The following COL10A1 variants were observed in gnomAD, a reference collection of about 807,000 sequenced individuals.
The protein encoded by COL10A1 is collagen alpha-1(X) chain.
COL10A1 carries 10 observed loss-of-function variants against 18.2 expected under a neutral mutation model. The ratio of observed to expected loss-of-function variants is 0.55; its 90% confidence interval spans 0.34 to 0.93. The LOEUF is 0.93. Ranked by LOEUF, COL10A1 falls within the 40% of genes least tolerant of loss-of-function variation. The pLI is 0.02. For missense variants in COL10A1, 897 were observed against 853.5 expected (o/e 1.05, Z -0.64); for synonymous variants, 330 against 316.6 (o/e 1.04, Z -0.45).
chr6:116,133,144 C>T (rs1054386191), intron 1 of COL10A1, among the ~76,000 whole-genome samples: 4 of 152,136 alleles, frequency 2.6e-5, no homozygotes, highest in African/African-American at 4.8e-5. Flanking sequence ...TAGTTTCGTG[C>T]GCCAAGTGCT....
In COL10A1 at chr6:116,119,539, CA is replaced by C. The variant is rs1319468061; in HGVS notation, c.*533del. 1 of 155,792 alleles carries C rather than the reference CA, an allele frequency of 6.4e-6. No individual in the cohort carries two copies. Among genetic ancestry groups the C allele is most frequent in the African/African-American group, 2.4e-5 (1 of 41,464 alleles). The allele number at this position is 155,792 out of a possible 1,614,324, so 9.7% of individuals were successfully genotyped here. A position where few individuals can be genotyped will look rare whatever the true frequency, so the allele number is the denominator to read the frequency against. On this transcript the variant is annotated 3_prime_UTR_variant, in exon 3 of 3. Coordinates refer to ENST00000651968, the MANE Select transcript of COL10A1 (RefSeq NM_000493.4). ...TTGATGAAAGGGGCCATACAGGCCT[CA>C]GAGTAGTGCACCATCAGAAATATTT...
At position 116,119,761 on chromosome 6, in the gene COL10A1, TTTTTTTGTTGTTTG is replaced by T. The variant is rs1324849556; in HGVS notation, c.*298_*311del. On this transcript the variant is annotated 3_prime_UTR_variant, in exon 3 of 3. Coordinates refer to ENST00000651968, the MANE Select transcript of COL10A1 (RefSeq NM_000493.4). ...CTATTTCTGTTTTTTTTTTTAATTT[TTTTTTTGTTGTTTG>T]TTTTTTGTTGTTTGTTTTTAACATA... The T allele has an allele frequency of 1.4e-4, 34 of 246,106 alleles. No homozygotes were observed. The highest frequency in any genetic ancestry group is 1.4e-3 in the Middle Eastern group (1 of 718). The allele number at this position is 246,106 out of a possible 1,614,324, so 15.2% of individuals were successfully genotyped here.
the COL10A1 span, among the ~76,000 whole-genome samples, chr6:116,210,141 T>C: frequency 2.0e-5 from 3 of 152,062 alleles, no homozygotes; most frequent in African/African-American, 7.2e-5. Context: ...ATGGATACTT[T>C]TTTCCTCTGC....
chr6:116,130,464 TCTTTC>T (rs987845362), upstream of COL10A1, among the ~76,000 whole-genome samples: 7 of 152,102 alleles, frequency 4.6e-5, no homozygotes, highest in African/African-American at 1.7e-4. Context: ...TTTTATAGCT[TCTTTC>T]CTTCTAATGT....
At chr6:116,163,456 A>G (rs1277724102), upstream of COL10A1, among the ~76,000 whole-genome samples, 2 of 151,950 alleles carry the variant, frequency 1.3e-5, no homozygotes, top group Non-Finnish European at 2.9e-5. Context: ...TTTCTGTGGT[A>G]TCAATTTTAA....
upstream of COL10A1, among the ~76,000 whole-genome samples, chr6:116,128,509 A>G (rs184348356): frequency 5.3e-5 from 8 of 152,306 alleles, no homozygotes; most frequent in African/African-American, 1.7e-4. Flanking sequence ...TCAAATATGA[A>G]TAATGATTTT....
At chr6:116,194,262 A>G in the COL10A1 span, among the ~76,000 whole-genome samples, 1 of 152,124 alleles carries the variant, frequency 6.6e-6, no homozygotes. Context: ...CGGAGTTTAT[A>G]AAAATGGAAC....
chr6:116,136,040 T>C (rs538844740), intron 1 of COL10A1, among the ~76,000 whole-genome samples: 2 of 152,096 alleles, frequency 1.3e-5, no homozygotes, highest in African/African-American at 4.8e-5. Flanking sequence ...CATGAACTTA[T>C]TCATCCTACG....
the COL10A1 span, among the ~76,000 whole-genome samples, chr6:116,183,127 G>C: frequency 1.3e-5 from 2 of 152,044 alleles, no homozygotes. Flanking sequence ...TTGTTGAATA[G>C]GGTATCCTTT....
chr6:116,173,857 A>G, the COL10A1 span, among the ~76,000 whole-genome samples: 1 of 152,128 alleles, frequency 6.6e-6, no homozygotes, highest in African/African-American at 2.4e-5. Context: ...AACTAACCAC[A>G]AGACTTCATT....
chr6:116,139,262 A>G, intron 1 of COL10A1, among the ~76,000 whole-genome samples: 1 of 152,134 alleles, frequency 6.6e-6, no homozygotes, highest in East Asian at 1.9e-4. Context: ...GTCTACTAGT[A>G]ACAATTTGTG....
the COL10A1 span, among the ~76,000 whole-genome samples, chr6:116,165,797 G>T: frequency 0.037 from 5,684 of 152,328 alleles, 150 homozygotes; most frequent in Non-Finnish European, 0.058. Context: ...CCAGGGACCT[G>T]CTGGTCCCCT....
chr6:116,137,450 G>A (rs565907370), intron 1 of COL10A1: 1 of 167,206 alleles, frequency 6.0e-6, no homozygotes, highest in Non-Finnish European at 1.3e-5. Context: ...AGTACACCTG[G>A]CCTTTGTGCA....
intron 1 of COL10A1, among the ~76,000 whole-genome samples, chr6:116,139,049 T>G (rs546611765): frequency 6.6e-6 from 1 of 152,258 alleles, no homozygotes; most frequent in South Asian, 2.1e-4. Context: ...AGAAAATGAC[T>G]GATAAAATAG....
At chr6:116,209,310 T>G in the COL10A1 span, among the ~76,000 whole-genome samples, 1 of 151,942 alleles carries the variant, frequency 6.6e-6, no homozygotes, top group African/African-American at 2.4e-5. Flanking sequence ...TGGGCTGTGG[T>G]TTGCCAACCT....
the COL10A1 span, among the ~76,000 whole-genome samples, chr6:116,178,088 T>TGTGCGC: frequency 1.7e-4 from 17 of 99,620 alleles, no homozygotes; most frequent in African/African-American, 7.5e-4. Context: ...TGTGTGTGTG[T>TGTGCGC]GCGCGCGCGC....
the COL10A1 span, among the ~76,000 whole-genome samples, chr6:116,166,988 G>A: frequency 6.6e-6 from 1 of 152,014 alleles, no homozygotes; most frequent in Admixed American, 6.6e-5. Flanking sequence ...ACTCTGTACA[G>A]AGTTGCATAT....
the COL10A1 span, among the ~76,000 whole-genome samples, chr6:116,189,900 A>G: frequency 1.5e-4 from 23 of 151,970 alleles, no homozygotes; most frequent in Non-Finnish European, 2.9e-4. Context: ...TGCTATATGT[A>G]TGTTTTTGCC....
At chr6:116,148,135 C>T (rs1779945405) in intron 1 of COL10A1, among the ~76,000 whole-genome samples, 1 of 152,008 alleles carries the variant, frequency 6.6e-6, no homozygotes, top group African/African-American at 2.4e-5. Flanking sequence ...GTATGTAACA[C>T]AGAATATCTC....
Sources: gnomAD v4.1 joint callset for allele counts (sites outside exome capture counted in the v4.1 genomes callset) on GRCh38, gnomAD v4.1.1 for gene constraint, MANE v1.5 for transcripts, NCBI Gene and HGNC (gene_info 2026-07-23, HGNC 2026-07-21) for gene names.